Variants in FARP1 observed in about 807,000 individuals in gnomAD.
The protein encoded by FARP1 is FERM, ARHGEF and pleckstrin domain-containing protein 1.
In FARP1, 52 loss-of-function variants were observed where a neutral mutation model predicts 128.8. That is an observed-to-expected ratio of 0.40 (90% CI 0.32 to 0.51). The LOEUF (loss-of-function observed/expected upper bound fraction) is 0.51, where lower values mean the gene tolerates loss of function less well. Among genes scored for constraint, FARP1 ranks in the 20% least tolerant of loss-of-function variants. The pLI is 0.45. For missense variants in FARP1, 1,333 were observed against 1,367.9 expected (o/e 0.97, Z 0.40); for synonymous variants, 580 against 551.8 (o/e 1.05, Z -0.72).
chr13:98,181,263 T>C (rs7986669), intron 1 of FARP1, among the ~76,000 whole-genome samples: 115,815 of 152,120 alleles, frequency 0.76, 44,253 homozygotes, highest in Admixed American at 0.82. Context: ...CATGTTAACG[T>C]AGCTTGGCTG....
At chr13:98,175,588 CATATT>C (rs1340945888) in intron 1 of FARP1, among the ~76,000 whole-genome samples, 1 of 151,950 alleles carries the variant, frequency 6.6e-6, no homozygotes, top group African/African-American at 2.4e-5. Context: ...AGTGTTCACT[CATATT>C]AGGTATATAT....
chr13:98,269,572 G>T (rs1884291604), intron 2 of FARP1, among the ~76,000 whole-genome samples: 1 of 152,220 alleles, frequency 6.6e-6, no homozygotes, highest in African/African-American at 2.4e-5. Flanking sequence ...AGGACATGAG[G>T]CTCATGAGGG....
At chr13:98,267,363 A>C (rs1371728118) in intron 2 of FARP1, among the ~76,000 whole-genome samples, 1 of 152,152 alleles carries the variant, frequency 6.6e-6, no homozygotes, top group African/African-American at 2.4e-5. Context: ...GTGTCGGCCG[A>C]GCCCATTTTC....
chr13:98,196,662 TTC>T (rs775588753), intron 1 of FARP1, among the ~76,000 whole-genome samples: 59 of 152,206 alleles, frequency 3.9e-4, no homozygotes, highest in Non-Finnish European at 7.2e-4. Context: ...CTAGTGATTT[TTC>T]TCTTTGTCAT....
At position 98,285,447 on chromosome 13, in the gene FARP1, C is replaced by T. The variant is rs189309224; in HGVS notation, c.172-58315C>T. ...ATCTCAAAGAGCCCCTGGGAAGCTG[C>T]GTGGTTGCTTAGTGATGTCACTCAC... On this transcript the variant is annotated intron_variant, in intron 2 of 26. Coordinates refer to ENST00000319562, the MANE Select transcript of FARP1 (RefSeq NM_005766.4). Among the ~76,000 whole-genome samples the T allele has an allele frequency of 1.6e-3, 243 of 152,232 alleles. 1 individual carries two copies. Among genetic ancestry groups the T allele is most frequent in the Non-Finnish European group, 8.2e-4 (56 of 68,022 alleles).
intron 1 of FARP1, among the ~76,000 whole-genome samples, chr13:98,152,394 A>T (rs1043205461): frequency 6.6e-6 from 1 of 152,162 alleles, no homozygotes; most frequent in African/African-American, 2.4e-5. Flanking sequence ...TTTGAAGAGG[A>T]TTCTGGGGAA....
At chr13:98,198,040 A>C (rs1469198245) in intron 1 of FARP1, among the ~76,000 whole-genome samples, 1 of 152,192 alleles carries the variant, frequency 6.6e-6, no homozygotes, top group African/African-American at 2.4e-5. Context: ...ATTGGTGTTT[A>C]TTTCTTTTAC....
At chr13:98,177,171 G>A (rs1255192278) in intron 1 of FARP1, 1 of 1,607,326 alleles carries the variant, frequency 6.2e-7, no homozygotes, top group Non-Finnish European at 8.5e-7. Flanking sequence ...CAGGCTTTTT[G>A]AAGAGGAAGG....
At chr13:98,202,188 T>TC (rs1412483912) in intron 1 of FARP1, among the ~76,000 whole-genome samples, 5 of 152,114 alleles carry the variant, frequency 3.3e-5, no homozygotes, top group Non-Finnish European at 7.4e-5. Flanking sequence ...GGCGTGTGGC[T>TC]CCCCCGGGAC....
intron 2 of FARP1, among the ~76,000 whole-genome samples, chr13:98,313,095 C>T (rs1223447757): frequency 1.4e-5 from 2 of 146,776 alleles, no homozygotes; most frequent in Admixed American, 1.4e-4. Flanking sequence ...ACTCTGGAAT[C>T]GGGTGGGTCA....
rs1431466982 is a variant in FARP1, at chr13:98,437,358, T to A, written c.2275-1446T>A. On this transcript the variant is annotated intron_variant, in intron 19 of 26. Coordinates refer to ENST00000319562, the MANE Select transcript of FARP1 (RefSeq NM_005766.4). ...TGTAATCGCTCCGTGTCGCAGGTGA[T>A]CAGTGATTATCTGAGGCTGGTGGTG... Among the ~76,000 whole-genome samples the A allele has an allele frequency of 5.3e-5, 8 of 152,268 alleles. No homozygotes were observed. The South Asian group carries it at 1.7e-3, about 32-fold the overall frequency.
chr13:98,248,114 A>G (rs1421819580), intron 2 of FARP1, among the ~76,000 whole-genome samples: 1 of 152,178 alleles, frequency 6.6e-6, no homozygotes, highest in African/African-American at 2.4e-5. Flanking sequence ...CAATGGGTGC[A>G]ATCCCGTCCA....
chr13:98,435,582 T>G lies in FARP1; in HGVS notation c.2150T>G (p.Leu717Trp). 1 of 1,612,054 alleles carries G rather than the reference T, an allele frequency of 6.2e-7. No homozygotes were observed. Among genetic ancestry groups the G allele is most frequent in the Non-Finnish European group, 8.5e-7 (1 of 1,178,790 alleles). Residue 717 changes from leucine (L) to tryptophan (W), a missense_variant, in exon 19 of 27, where the codon TTG (leucine) becomes TGG (tryptophan). Leu to Trp is a moderately conservative substitution (Grantham distance 61). Transcript: ENST00000319562. ...HADFRDCRAA[L>W]AEITEMVAQL... ...GTATGTCTTTCCTTCACAGCCGCTT[T>G]GGCAGAGATCACGGAGATGGTGGCA... is the stretch of plus-strand genomic sequence containing the variant.
chr13:98,277,208 G>A (rs1243844708), intron 2 of FARP1, among the ~76,000 whole-genome samples: 1 of 150,938 alleles, frequency 6.6e-6, no homozygotes, highest in African/African-American at 2.4e-5. Context: ...GAGTGCAGTG[G>A]CATGTGTGGT....
In FARP1 at chr13:98,350,440, C is replaced by T. The variant is rs1428499646; in HGVS notation, c.276+6574C>T. On this transcript the variant is annotated intron_variant, in intron 3 of 26. Transcript: ENST00000319562. Reference sequence around the variant, plus strand: ...AGTGTCCCCCGTTACTGACACTGTGCCTTCGTGTGGCATGTGTGTCCTCGC... The same window carrying T: ...AGTGTCCCCCGTTACTGACACTGTGTCTTCGTGTGGCATGTGTGTCCTCGC... Among the ~76,000 whole-genome samples the T allele has an allele frequency of 3.9e-5, 6 of 152,168 alleles. 1 individual carries two copies.
intron 2 of FARP1, among the ~76,000 whole-genome samples, chr13:98,330,244 A>T (rs1594409873): frequency 6.6e-6 from 1 of 152,128 alleles, no homozygotes; most frequent in African/African-American, 2.4e-5. Flanking sequence ...GGTGGGGCAG[A>T]TCACTGGGGA....
chr13:98,183,920 T>G (rs575379413), intron 1 of FARP1, among the ~76,000 whole-genome samples: 1 of 152,132 alleles, frequency 6.6e-6, no homozygotes, highest in African/African-American at 2.4e-5. Context: ...GCTTGACATA[T>G]GGTGGGCATG....
chr13:98,403,218 A>G (rs4772073), intron 13 of FARP1: 89,962 of 151,960 alleles, frequency 0.59, 27,683 homozygotes, highest in Non-Finnish European at 0.68. Context: ...GTCCTGGGTG[A>G]TGCCATATTT....
At chr13:98,276,214 C>T (rs898686621) in intron 2 of FARP1, among the ~76,000 whole-genome samples, 1 of 152,102 alleles carries the variant, frequency 6.6e-6, no homozygotes, top group Non-Finnish European at 1.5e-5. Context: ...AATGAGGAAG[C>T]AAGATGCTAA....
Sources: gnomAD v4.1 joint callset for allele counts (sites outside exome capture counted in the v4.1 genomes callset) on GRCh38, gnomAD v4.1.1 for gene constraint, MANE v1.5 for transcripts, NCBI Gene and HGNC (gene_info 2026-07-23, HGNC 2026-07-21) for gene names.